Variants in CECR2 observed in about 807,000 individuals in gnomAD.
The protein encoded by CECR2 is chromatin remodeling regulator CECR2.
Under a neutral mutation model 154.5 loss-of-function variants are expected in CECR2, and 30 were observed. The ratio of observed to expected loss-of-function variants is 0.19; its 90% CI spans 0.15 to 0.26. The LOEUF is 0.26. CECR2 is among the 10% of genes least tolerant of loss of function. CECR2 has a pLI of 1.00. For missense variants in CECR2, 1,743 were observed against 1,829.3 expected (o/e 0.95, Z 0.86); for synonymous variants, 725 against 683.7 (o/e 1.06, Z -0.94).
At chr22:17,501,329 T>G (rs2055733654) in intron 5 of CECR2, among the ~76,000 whole-genome samples, 1 of 152,054 alleles carries the variant, frequency 6.6e-6, no homozygotes, top group Non-Finnish European at 1.5e-5. Context: ...GAAATCAGAT[T>G]AAGAATATAG....
intron 8 of CECR2, among the ~76,000 whole-genome samples, chr22:17,521,734 G>T (rs1445918859): frequency 2.6e-5 from 4 of 152,120 alleles, no homozygotes; most frequent in Admixed American, 6.5e-5. Flanking sequence ...TTCTTTTGCT[G>T]TGCAGAAGCT....
chr22:17,404,364 C>CCTTTTTTTT (rs781954770), intron 1 of CECR2, among the ~76,000 whole-genome samples: 19 of 59,630 alleles, frequency 3.2e-4, no homozygotes, highest in African/African-American at 1.4e-3. Flanking sequence ...GGACCCTGTT[C>CCTTTTTTTT]TTTCTTTTTT....
At chr22:17,386,577 C>G (rs546075561) in intron 1 of CECR2, among the ~76,000 whole-genome samples, 1 of 152,038 alleles carries the variant, frequency 6.6e-6, no homozygotes, top group East Asian at 1.9e-4. Context: ...GTTATGTCAC[C>G]CTAGGACTGT....
chr22:17,375,552 T>G (rs568111948), intron 1 of CECR2, among the ~76,000 whole-genome samples: 1 of 152,136 alleles, frequency 6.6e-6, no homozygotes, highest in Non-Finnish European at 1.5e-5. Context: ...AGGCCCCAAG[T>G]AGAGTGGGGT....
rs2055417610 is a variant in CECR2 at position 17,486,225 on chromosome 22, A to C, written c.221+8543A>C. Reference sequence around the variant, plus strand: ...TAAAAGGAACCTCATCATCAAGTACAGTTTATTTTTTTACCTGAGGAAGCG... The same window carrying C: ...TAAAAGGAACCTCATCATCAAGTACCGTTTATTTTTTTACCTGAGGAAGCG... On this transcript the variant is annotated intron_variant, in intron 2 of 18. Transcript: ENST00000262608. Among the ~76,000 whole-genome samples the C allele has an allele frequency of 2.6e-5, 4 of 152,330 alleles. No individual in the cohort carries two copies. The South Asian group carries it at 8.3e-4, about 32-fold the overall frequency.
At chr22:17,500,540 G>C in intron 4 of CECR2, 91 bp from the exon 5 acceptor site, 5 of 912,032 alleles carry the variant, frequency 5.5e-6, no homozygotes, top group Non-Finnish European at 8.2e-6. Flanking sequence ...AATCCTTTTT[G>C]GTAATCTCAT....
chr22:17,366,700 G>A (rs559174118), upstream of CECR2, among the ~76,000 whole-genome samples: 1 of 152,268 alleles, frequency 6.6e-6, no homozygotes, highest in Admixed American at 6.5e-5. Context: ...TCCAAGGGGA[G>A]GCGTGGCACA....
At chr22:17,408,020 T>C (rs972201319) in intron 1 of CECR2, among the ~76,000 whole-genome samples, 6 of 152,228 alleles carry the variant, frequency 3.9e-5, no homozygotes, top group African/African-American at 1.4e-4. Context: ...TTATTATTTT[T>C]ATTTTTTCAA....
At chr22:17,527,451 C>G (rs897159537) in intron 9 of CECR2, among the ~76,000 whole-genome samples, 8 of 151,754 alleles carry the variant, frequency 5.3e-5, no homozygotes, top group Admixed American at 3.9e-4. Context: ...GAGCGAGACC[C>G]TGTCTCAAAA....
intron 5 of CECR2, among the ~76,000 whole-genome samples, chr22:17,501,419 G>C (rs187933645): frequency 2.0e-5 from 3 of 152,034 alleles, no homozygotes; most frequent in Admixed American, 2.0e-4. Context: ...TTAGCCAGTC[G>C]TGGTGGCGGG....
chr22:17,543,068 A>T, intron 16 of CECR2, 65 bp downstream of exon 16: 6 of 1,474,466 alleles, frequency 4.1e-6, no homozygotes, highest in Admixed American at 2.4e-5. Context: ...TTTACACAGC[A>T]TATCAAACCA....
intron 1 of CECR2, among the ~76,000 whole-genome samples, chr22:17,461,967 A>G (rs922441136): frequency 6.6e-6 from 1 of 151,602 alleles, no homozygotes; most frequent in African/African-American, 2.4e-5. Flanking sequence ...TAATTTTTTT[A>G]TTTTTAGTAG....
chr22:17,549,222 T>G lies in CECR2; in HGVS notation c.3935T>G (p.Leu1312Trp), dbSNP rs1231826643. 1 of 1,614,016 alleles carries G rather than the reference T, an allele frequency of 6.2e-7. No homozygotes were observed. The highest frequency in any genetic ancestry group is 8.5e-7 in the Non-Finnish European group (1 of 1,179,876). The change falls in exon 17 of 19, where the codon TTG becomes TGG. Residue 1312 changes from leucine (L) to tryptophan (W), a missense_variant. Coordinates refer to ENST00000262608, the MANE Select transcript of CECR2 (RefSeq NM_001290047.2). Reference protein sequence around the residue: ...HNAATKRQSSLSASEYLYGTP... With the variant: ...HNAATKRQSSWSASEYLYGTP... ...GCAGCTACCAAGCGGCAGAGCTCGT[T>G]GTCAGCCAGCGAGTATCTCTATGGA...
At chr22:17,504,771 A>G in intron 6 of CECR2, 76 bp from the exon 7 acceptor site, 1 of 1,377,824 alleles carries the variant, frequency 7.3e-7, no homozygotes, top group Non-Finnish European at 1.0e-6. Flanking sequence ...GACCCACAGT[A>G]GAAACAAAAT....
chr22:17,385,407 G>A lies in CECR2; in HGVS notation c.126+15498G>A, dbSNP rs115485470. 4.6e-3 allele frequency among the ~76,000 whole-genome samples: 704 copies of A among 152,288 alleles called. 6 individuals carry two copies. Among genetic ancestry groups the A allele is most frequent in the African/African-American group, 0.016 (667 of 41,560 alleles). On this transcript the variant is annotated intron_variant, in intron 1 of 18. Coordinates refer to ENST00000262608, the MANE Select transcript of CECR2 (RefSeq NM_001290047.2). ...CTTGAACACTTAAAGGCCATTGTAGGATTATTAATTGGCCTGGTTTAAATG... is the reference window on the plus strand; with the variant it reads ...CTTGAACACTTAAAGGCCATTGTAGAATTATTAATTGGCCTGGTTTAAATG...
At chr22:17,460,502 G>A (rs1013783383) in intron 1 of CECR2, among the ~76,000 whole-genome samples, 5 of 152,146 alleles carry the variant, frequency 3.3e-5, no homozygotes, top group South Asian at 4.1e-4. Context: ...GAGCCACCGC[G>A]CCCAGCCTCG....
rs1189021630 is a variant in CECR2 at position 17,403,051 on chromosome 22, G to A, written c.126+33142G>A. 3.9e-5 allele frequency among the ~76,000 whole-genome samples: 6 copies of A among 152,202 alleles called. No homozygotes were observed. In the East Asian group the frequency reaches 5.8e-4, roughly 15 times the overall value. ...TTACAGGCGTGAGCCAGCGCACCCGGCAGTTTCCCCATCTTTTCATTTCAA... is the reference window on the plus strand; with the variant it reads ...TTACAGGCGTGAGCCAGCGCACCCGACAGTTTCCCCATCTTTTCATTTCAA... On this transcript the variant is annotated intron_variant, in intron 1 of 18. Transcript: ENST00000262608.
At chr22:17,516,206 G>T (rs550043887) in intron 8 of CECR2, among the ~76,000 whole-genome samples, 25 of 151,372 alleles carry the variant, frequency 1.7e-4, no homozygotes, top group Non-Finnish European at 1.0e-4. Flanking sequence ...AAAATATAGA[G>T]ATATATATAT....
intron 1 of CECR2, among the ~76,000 whole-genome samples, chr22:17,386,817 A>G (rs1377926311): frequency 6.6e-6 from 1 of 151,910 alleles, no homozygotes; most frequent in African/African-American, 2.4e-5. Context: ...CGCCCAGCTA[A>G]TTTTTGTAAT....
Sources: gnomAD v4.1 joint callset for allele counts (sites outside exome capture counted in the v4.1 genomes callset) on GRCh38, gnomAD v4.1.1 for gene constraint, MANE v1.5 for transcripts, NCBI Gene and HGNC (gene_info 2026-07-23, HGNC 2026-07-21) for gene names.